The following AQR variants were observed in gnomAD, a reference collection of about 807,000 sequenced individuals.
The protein encoded by AQR is aquarius intron-binding spliceosomal factor.
A neutral mutation model predicts 180.5 loss-of-function variants in AQR; 61 were observed. That is an observed-to-expected ratio of 0.34 (90% CI 0.28 to 0.42). AQR has a LOEUF of 0.42. Among genes scored for constraint, AQR ranks in the 10% least tolerant of loss-of-function variants. AQR has a pLI of 1.00. For synonymous variants in AQR, 551 were observed against 588.8 expected, an observed-to-expected ratio of 0.94 and a Z score of 0.93; for missense variants, 1,281 against 1,798.3, an observed-to-expected ratio of 0.71 and a Z score of 5.20.
At chr15:34,893,901 G>T in intron 22 of AQR, 128 bp from the exon 23 acceptor site, 1 of 696,994 alleles carries the variant, frequency 1.4e-6, no homozygotes, top group South Asian at 1.8e-5. Context: ...ATAACAGAAT[G>T]AACAGGATAG....
intron 31 of AQR, chr15:34,870,274 C>CT (rs1892797680): frequency 6.6e-6 from 1 of 151,958 alleles, no homozygotes; most frequent in Admixed American, 6.6e-5. Context: ...CTAATGTATT[C>CT]TACCCTTCAT....
chr15:34,932,307 T>A lies in AQR; in HGVS notation c.900+11A>T. 1.3e-6 allele frequency: 2 copies of A among 1,582,428 alleles called. No individual in the cohort carries two copies. The highest frequency in any genetic ancestry group is 2.2e-5 in the South Asian group (2 of 90,400). The stretch of plus-strand genomic sequence containing the variant: ...AAAACAATAAATACGTTCAGATACA[T>A]CAATATTCACCTGGGAAAAAAGATG... On this transcript the variant is annotated intron_variant, in intron 11 of 34. Coordinates refer to ENST00000156471, the MANE Select transcript of AQR (RefSeq NM_014691.3).
chr15:34,927,411 G>T (rs941221973), intron 12 of AQR, among the ~76,000 whole-genome samples: 1 of 152,212 alleles, frequency 6.6e-6, no homozygotes, highest in East Asian at 1.9e-4. Context: ...AGCCACAAAG[G>T]CTAGCTTTAT....
intron 27 of AQR, among the ~76,000 whole-genome samples, chr15:34,879,884 C>G (rs1345484105): frequency 6.6e-6 from 1 of 152,120 alleles, no homozygotes. Flanking sequence ...TGTCAAAAGT[C>G]TGTGTACAAA....
Position 34,900,656 on chromosome 15 carries a change from C to T in AQR, c.2209G>A (p.Val737Ile). 6.2e-7 allele frequency: 1 copy of T among 1,614,128 alleles called. No homozygotes were observed. The highest frequency in any genetic ancestry group is 1.1e-5 in the South Asian group (1 of 91,074). ...GGTATTTGTAGAGCAGGGTCTTCTA[C>T]AGTTACTTTAACATTATGACCAGGG... is the stretch of plus-strand genomic sequence containing the variant. ...SFPGHNVKVT[V>I]EDPALQIPPF... Residue 737 changes from valine (V) to isoleucine (I), a missense_variant, in exon 20 of 35, where the codon GTA becomes ATA. Val to Ile is a conservative substitution (Grantham distance 29). Transcript: ENST00000156471.
At chr15:34,907,449 T>C (rs1893435571) in intron 17 of AQR, among the ~76,000 whole-genome samples, 2 of 152,216 alleles carry the variant, frequency 1.3e-5, no homozygotes, top group African/African-American at 4.8e-5. Flanking sequence ...TAATCTTCAT[T>C]CCATTTCTGA....
At chr15:34,858,272 C>CCG (rs1355484836) in intron 34 of AQR, among the ~76,000 whole-genome samples, 7 of 146,792 alleles carry the variant, frequency 4.8e-5, no homozygotes, top group African/African-American at 1.8e-4. Context: ...GCATAAGCCA[C>CCG]CGCGCCTGGC....
intron 10 of AQR, 58 bp from the exon 11 acceptor site, chr15:34,932,492 G>GA (rs1893880091): frequency 2.5e-6 from 3 of 1,201,668 alleles, no homozygotes; most frequent in Non-Finnish European, 3.5e-6. Flanking sequence ...AGCTAGAAGT[G>GA]AAATCTAGTG....
intron 6 of AQR, among the ~76,000 whole-genome samples, chr15:34,942,900 T>A (rs1439756996): frequency 6.6e-6 from 1 of 152,332 alleles, no homozygotes; most frequent in Non-Finnish European, 1.5e-5. Flanking sequence ...AGATAAAGCA[T>A]TTCAATAATA....
Position 34,918,185 on chromosome 15 carries a change from A to G in AQR, c.1342+73T>C, listed in dbSNP as rs1477673142. On this transcript the variant is annotated intron_variant, in intron 15 of 34. Transcript: ENST00000156471. ...CAGAGTAGACTCAAGTACACTGCCT[A>G]TAATTGCCAATTATATATGATAAAT... 8.5e-6 allele frequency: 13 copies of G among 1,532,572 alleles called. No homozygotes were observed. The Admixed American group carries it at 1.6e-4, about 19-fold the overall frequency. 94.9% of individuals were successfully genotyped at this position (1,532,572 alleles called of 1,614,324 possible).
At chr15:34,950,075 G>A (rs1482061854) in intron 4 of AQR, among the ~76,000 whole-genome samples, 1 of 132,124 alleles carries the variant, frequency 7.6e-6, no homozygotes, top group Non-Finnish European at 1.6e-5. Flanking sequence ...ACTTCTCTTT[G>A]CTATTTTCCT....
intron 1 of AQR, 45 bp from the exon 2 acceptor site, chr15:34,964,335 T>C (rs1295865471): frequency 1.4e-6 from 2 of 1,463,228 alleles, no homozygotes; most frequent in East Asian, 2.3e-5. Flanking sequence ...ATTCTTGCCA[T>C]TGTAGAGCTG....
rs572962704 is a variant in AQR at position 34,862,747 on chromosome 15, C to T, written c.4029+120G>A. 2.7e-6 allele frequency: 3 copies of T among 1,116,484 alleles called. No homozygotes were observed. The Admixed American group carries it at 7.6e-5, about 28-fold the overall frequency. The allele number at this position is 1,116,484 out of a possible 1,614,324, so 69.2% of individuals were successfully genotyped here. The stretch of plus-strand genomic sequence containing the variant: ...TACCTCAGTTCCTCAGTGCAGCACA[C>T]TCTAAAACAGGGACTAAATTATCTA... On this transcript the variant is annotated intron_variant, in intron 33 of 34. Transcript: ENST00000156471.
At chr15:34,883,186 C>G (rs1035979175) in intron 26 of AQR, among the ~76,000 whole-genome samples, 3 of 151,908 alleles carry the variant, frequency 2.0e-5, no homozygotes, top group African/African-American at 7.3e-5. Flanking sequence ...GAGATGAAAC[C>G]CAAGGCAGAG....
In AQR at chr15:34,964,213, G is replaced by A. The variant is rs779584826; in HGVS notation, c.132+21C>T. ...AGGAGTGTAACTTCTCAAGAATTAT[G>A]TTGAAACCAAAAATACTTACCTTTA... On this transcript the variant is annotated intron_variant, in intron 2 of 34. Coordinates refer to ENST00000156471, the MANE Select transcript of AQR (RefSeq NM_014691.3). 5 of 1,561,444 alleles carry A rather than the reference G, an allele frequency of 3.2e-6. No homozygotes were observed. In the Admixed American group the frequency reaches 5.1e-5, roughly 16 times the overall value.
chr15:34,910,870 C>G (rs1172449879), intron 16 of AQR, among the ~76,000 whole-genome samples: 1 of 152,172 alleles, frequency 6.6e-6, no homozygotes. Flanking sequence ...AGTCACTATA[C>G]TTTACATTAG....
intron 3 of AQR, among the ~76,000 whole-genome samples, chr15:34,954,279 C>T (rs1260427023): frequency 6.6e-6 from 1 of 152,012 alleles, no homozygotes; most frequent in Non-Finnish European, 1.5e-5. Context: ...GCCAACTTTC[C>T]TTTATGATAA....
At chr15:34,969,473 C>T in intron 1 of AQR, 66 bp downstream of exon 1, 1 of 1,572,394 alleles carries the variant, frequency 6.4e-7, no homozygotes, top group Non-Finnish European at 8.7e-7. Flanking sequence ...AAAAAAACCC[C>T]ACCACCAGGC....
At chr15:34,930,502 C>A in intron 11 of AQR, 131 bp from the exon 12 acceptor site, 3 of 546,730 alleles carry the variant, frequency 5.5e-6, no homozygotes, top group Admixed American at 3.1e-5. Context: ...GTAAACATTA[C>A]AAAAAAGATT....
Sources: allele counts gnomAD v4.1 joint callset (sites outside exome capture counted in the v4.1 genomes callset), GRCh38; gene constraint gnomAD v4.1.1; transcripts MANE v1.5; gene names NCBI Gene and HGNC (gene_info 2026-07-23, HGNC 2026-07-21).